Variants in RPGRIP1L observed in about 807,000 individuals in gnomAD.
The protein encoded by RPGRIP1L is protein fantom.
A neutral mutation model predicts 160.4 loss-of-function variants in RPGRIP1L; 131 were observed. The ratio of observed to expected loss-of-function variants is 0.82; its 90% CI spans 0.71 to 0.94. The LOEUF (loss-of-function observed/expected upper bound fraction) is 0.94, where lower values mean the gene tolerates loss of function less well. Ranked by LOEUF, RPGRIP1L falls within the 40% of genes least tolerant of loss-of-function variation. The probability of loss-of-function intolerance (pLI) is 0.00; values close to 1 mark genes in which losing one functional copy is unlikely to be tolerated. For synonymous variants in RPGRIP1L, 510 were observed against 515.8 expected, an observed-to-expected ratio of 0.99 and a Z score of 0.15; for missense variants, 1,522 against 1,535.8, an observed-to-expected ratio of 0.99 and a Z score of 0.15.
chr16:53,651,252 A>C (rs1185890033), intron 15 of RPGRIP1L, among the ~76,000 whole-genome samples: 1 of 152,220 alleles, frequency 6.6e-6, no homozygotes, highest in African/African-American at 2.4e-5. Flanking sequence ...GTGATAAGCA[A>C]GTCTTGAAGG....
chr16:53,652,553 A>C lies in RPGRIP1L; in HGVS notation c.2134T>G (p.Cys712Gly). The change falls in exon 15 of 27, where the codon TGT becomes GGT. Residue 712 changes from cysteine (C) to glycine (G), a missense_variant. By Grantham distance (159) the Cys-to-Gly change is radical. Coordinates refer to ENST00000647211, the MANE Select transcript of RPGRIP1L (RefSeq NM_015272.5). The part of the protein sequence containing the change: ...EILEKSGRIF[C>G]TASLIGTKGD... ...TACTTACCAATCAAACTTGCTGTACAAAATATTCGGCCGCTTTTTTCAAGA... is the reference window on the plus strand; with the variant it reads ...TACTTACCAATCAAACTTGCTGTACCAAATATTCGGCCGCTTTTTTCAAGA... The C allele has an allele frequency of 6.2e-7, 1 of 1,613,918 alleles. No individual in the cohort carries two copies. The highest frequency in any genetic ancestry group is 1.7e-4 in the Middle Eastern group (1 of 6,056).
chr16:53,641,829 C>T lies in RPGRIP1L; in HGVS notation c.2684-354G>A, dbSNP rs528957793. Reference sequence around the variant, plus strand: ...TTATTCAGAATTCTTAGCCTTCCTTCGTGAAGGCTCAAGTATCCTCCATTT... The same window carrying T: ...TTATTCAGAATTCTTAGCCTTCCTTTGTGAAGGCTCAAGTATCCTCCATTT... On this transcript the variant is annotated intron_variant, in intron 17 of 26. Transcript: ENST00000647211. Among the ~76,000 whole-genome samples, 9 of 152,208 alleles carry T rather than the reference C, an allele frequency of 5.9e-5. No homozygotes were observed. The East Asian group carries it at 1.7e-3, about 29-fold the overall frequency.
chr16:53,673,199 G>A (rs1968887403), intron 7 of RPGRIP1L, among the ~76,000 whole-genome samples, 183 bp from the exon 8 acceptor site: 1 of 152,140 alleles, frequency 6.6e-6, no homozygotes, highest in South Asian at 2.1e-4. Context: ...GAGACGCTCT[G>A]AACATGTGTG....
chr16:53,601,945 C>T lies in RPGRIP1L; in HGVS notation c.*131G>A. On this transcript the variant is annotated 3_prime_UTR_variant, in exon 27 of 27. Transcript: ENST00000647211. ...TATACAAAACTTCAACACTTCAAACCCAGGTCTCCCCGCTCCCAGCTTCCC... is the reference window on the plus strand; with the variant it reads ...TATACAAAACTTCAACACTTCAAACTCAGGTCTCCCCGCTCCCAGCTTCCC... 1 of 689,796 alleles carries T rather than the reference C, an allele frequency of 1.4e-6. No individual in the cohort carries two copies. Among genetic ancestry groups the T allele is most frequent in the Non-Finnish European group, 2.7e-6 (1 of 376,462 alleles). 42.7% of individuals were successfully genotyped at this position (689,796 alleles called of 1,614,324 possible). A position where few individuals can be genotyped will look rare whatever the true frequency, so the allele number is the denominator to read the frequency against.
intron 17 of RPGRIP1L, among the ~76,000 whole-genome samples, chr16:53,642,342 G>A (rs1159107968): frequency 1.3e-5 from 2 of 151,696 alleles, no homozygotes; most frequent in African/African-American, 4.8e-5. Flanking sequence ...TACAGGCACC[G>A]GCTCAAACCT....
chr16:53,671,414 T>C (rs1262349533), intron 9 of RPGRIP1L, 96 bp downstream of exon 9: 5 of 788,788 alleles, frequency 6.3e-6, no homozygotes, highest in Non-Finnish European at 1.1e-5. Context: ...TGTTGCTAAT[T>C]CTTTGATCAA....
At chr16:53,625,255 C>T (rs1173622987) in intron 22 of RPGRIP1L, among the ~76,000 whole-genome samples, 3 of 151,908 alleles carry the variant, frequency 2.0e-5, no homozygotes, top group Non-Finnish European at 2.9e-5. Flanking sequence ...CCCCTCTGCC[C>T]GGCAGCCCAG....
chr16:53,680,306 T>C (rs1969507600), intron 6 of RPGRIP1L, among the ~76,000 whole-genome samples: 1 of 152,148 alleles, frequency 6.6e-6, no homozygotes, highest in South Asian at 2.1e-4. Flanking sequence ...CACTCCCCTG[T>C]GTAACAAGGT....
intron 25 of RPGRIP1L, among the ~76,000 whole-genome samples, chr16:53,609,999 G>A (rs1291335847): frequency 6.6e-6 from 1 of 151,968 alleles, no homozygotes; most frequent in Non-Finnish European, 1.5e-5. Context: ...GTCTCCTAAG[G>A]CGGCAGAGTC....
intron 14 of RPGRIP1L, chr16:53,653,326 T>A: frequency 2.7e-6 from 3 of 1,128,654 alleles, no homozygotes; most frequent in Non-Finnish European, 3.3e-6. Context: ...GCTCCACCCA[T>A]TGTCTTCACT....
chr16:53,691,134 G>T (rs1970359451), intron 4 of RPGRIP1L, among the ~76,000 whole-genome samples: 1 of 150,040 alleles, frequency 6.7e-6, no homozygotes, highest in Admixed American at 6.6e-5. Context: ...ATTCCTCAAA[G>T]AATTGAAACT....
chr16:53,665,458 G>A (rs1019421794), intron 9 of RPGRIP1L, among the ~76,000 whole-genome samples: 15 of 151,940 alleles, frequency 9.9e-5, no homozygotes, highest in African/African-American at 2.2e-4. Flanking sequence ...ATAATAACAC[G>A]TTCACAAAAT....
intron 17 of RPGRIP1L, among the ~76,000 whole-genome samples, chr16:53,645,100 G>A (rs1276862709): frequency 6.6e-6 from 1 of 152,072 alleles, no homozygotes; most frequent in Non-Finnish European, 1.5e-5. Flanking sequence ...ACTGATATCA[G>A]ACAGTAACTC....
At chr16:53,639,371 T>C (rs1296867573) in intron 19 of RPGRIP1L, among the ~76,000 whole-genome samples, 2 of 152,050 alleles carry the variant, frequency 1.3e-5, no homozygotes, top group Non-Finnish European at 2.9e-5. Flanking sequence ...ATAAATACAA[T>C]ATATCCTGTT....
At chr16:53,695,663 A>G (rs559566297) in intron 3 of RPGRIP1L, 3 of 533,080 alleles carry the variant, frequency 5.6e-6, no homozygotes, top group Admixed American at 3.4e-5. Context: ...AACAGTAGAG[A>G]CTCTTTGAAA....
At chr16:53,619,246 A>C in intron 23 of RPGRIP1L, 38 bp from the exon 24 acceptor site, 1 of 1,570,102 alleles carries the variant, frequency 6.4e-7, no homozygotes, top group South Asian at 1.1e-5. Flanking sequence ...ACAAAGAAAT[A>C]AAATAATTGA....
chr16:53,676,220 C>T (rs931279517), intron 6 of RPGRIP1L, among the ~76,000 whole-genome samples: 1 of 151,970 alleles, frequency 6.6e-6, no homozygotes, highest in African/African-American at 2.4e-5. Flanking sequence ...GTTAGTTGTC[C>T]TCACACAGAA....
intron 22 of RPGRIP1L, among the ~76,000 whole-genome samples, chr16:53,627,849 T>TAC (rs146112770): frequency 0.17 from 25,498 of 152,134 alleles, 2,223 homozygotes; most frequent in Middle Eastern, 0.23. Flanking sequence ...TAATCTATAG[T>TAC]ACATTTATTT....
intron 26 of RPGRIP1L, 127 bp downstream of exon 26, chr16:53,605,354 G>T: frequency 9.7e-7 from 1 of 1,034,054 alleles, no homozygotes; most frequent in Non-Finnish European, 1.5e-6. Flanking sequence ...GCGTCAACTT[G>T]AGTTGTAAAG....
Sources: gnomAD v4.1 joint callset for allele counts (sites outside exome capture counted in the v4.1 genomes callset) on GRCh38, gnomAD v4.1.1 for gene constraint, MANE v1.5 for transcripts, NCBI Gene and HGNC (gene_info 2026-07-23, HGNC 2026-07-21) for gene names.